Variants in SGK3 observed in about 807,000 individuals in gnomAD.
SGK3 encodes serine/threonine-protein kinase Sgk3.
A neutral mutation model predicts 68.5 loss-of-function variants in SGK3; 47 were observed. The observed-to-expected ratio is 0.69, with a 90% CI of 0.54 to 0.87. SGK3 has a LOEUF of 0.87. Among genes scored for constraint, SGK3 ranks in the 40% least tolerant of loss-of-function variants. SGK3 has a pLI of 0.00. For missense variants in SGK3, 479 were observed against 575.5 expected, an observed-to-expected ratio of 0.83 and a Z score of 1.72; for synonymous variants, 181 against 189.1, an observed-to-expected ratio of 0.96 and a Z score of 0.35.
chr8:66,773,530 T>C (rs1212330382), intron 1 of SGK3, among the ~76,000 whole-genome samples: 1 of 152,214 alleles, frequency 6.6e-6, no homozygotes, highest in Admixed American at 6.5e-5. Flanking sequence ...ACTCTCTAAA[T>C]TAGGCACAGT....
chr8:66,752,516 C>G (rs1253289696), intron 1 of SGK3, among the ~76,000 whole-genome samples: 1 of 151,336 alleles, frequency 6.6e-6, no homozygotes, highest in Non-Finnish European at 1.5e-5. Context: ...AGAAGATGGT[C>G]AGAGAAGGCT....
Position 66,798,626 on chromosome 8 carries a change from G to T in SGK3, c.180+1G>T, listed in dbSNP as rs1411732311. Reference sequence around the variant, plus strand: ...AGAGTTTGATAAACTTTATAACACTGTAAGTAATCGTCTACAAGATTTCTA... The same window carrying T: ...AGAGTTTGATAAACTTTATAACACTTTAAGTAATCGTCTACAAGATTTCTA... On this transcript the variant is annotated splice_donor_variant, in intron 3 of 16. Transcript: ENST00000521198. LOFTEE classifies it high-confidence loss of function. 6.3e-7 allele frequency: 1 copy of T among 1,593,574 alleles called. No homozygotes were observed. Among genetic ancestry groups the T allele is most frequent in the Non-Finnish European group, 8.5e-7 (1 of 1,170,330 alleles).
At chr8:66,830,204 G>A (rs974968936) in intron 7 of SGK3, among the ~76,000 whole-genome samples, 5 of 152,208 alleles carry the variant, frequency 3.3e-5, no homozygotes, top group Non-Finnish European at 1.5e-5. Flanking sequence ...GCAGTTAACA[G>A]TGAGGCTTGG....
At position 66,840,194 on chromosome 8, in the gene SGK3, T is replaced by C. The variant is rs192429324; in HGVS notation, c.855-17T>C. ...GTTTGTATTCAGTTTTGCGTTTCTT[T>C]CCTTTTAATTTGATAGAGACTTGAA... is the stretch of plus-strand genomic sequence containing the variant. On this transcript the variant is annotated splice_polypyrimidine_tract_variant and intron_variant, in intron 11 of 16. Transcript: ENST00000521198. 897 of 1,595,282 alleles carry C rather than the reference T, an allele frequency of 5.6e-4. 3 individuals are homozygous for C. In the African/African-American group the frequency reaches 0.011, roughly 20 times the overall value.
intron 3 of SGK3, among the ~76,000 whole-genome samples, chr8:66,799,599 TG>T (rs1397111462): frequency 6.6e-6 from 1 of 152,202 alleles, no homozygotes; most frequent in African/African-American, 2.4e-5. Flanking sequence ...CAAAAGCAAT[TG>T]TGCCTCAAAT....
intron 1 of SGK3, among the ~76,000 whole-genome samples, chr8:66,744,347 C>A (rs1338972936): frequency 1.3e-5 from 2 of 150,486 alleles, no homozygotes; most frequent in African/African-American, 4.9e-5. Context: ...CTAATATCTT[C>A]TTTTTTATAT....
At chr8:66,759,877 G>T (rs1313003035) in intron 1 of SGK3, among the ~76,000 whole-genome samples, 1 of 151,962 alleles carries the variant, frequency 6.6e-6, no homozygotes, top group Non-Finnish European at 1.5e-5. Flanking sequence ...GAGCCACCAC[G>T]CCCAGCCCCT....
intron 5 of SGK3, among the ~76,000 whole-genome samples, chr8:66,814,531 T>G (rs1808503231): frequency 6.6e-6 from 1 of 152,080 alleles, no homozygotes; most frequent in Non-Finnish European, 1.5e-5. Flanking sequence ...CACTTAACAT[T>G]TCATGGTGAC....
chr8:66,761,769 A>T (rs937472059), intron 1 of SGK3, among the ~76,000 whole-genome samples: 17 of 151,194 alleles, frequency 1.1e-4, no homozygotes, highest in Non-Finnish European at 8.9e-5. Flanking sequence ...ACTCTCTCTA[A>T]AAAAAAAATA....
At chr8:66,777,293 C>T (rs546423151) in intron 1 of SGK3, among the ~76,000 whole-genome samples, 4 of 152,284 alleles carry the variant, frequency 2.6e-5, no homozygotes, top group African/African-American at 9.6e-5. Flanking sequence ...TGTTGTCTGA[C>T]ATGAGAGCGT....
At chr8:66,741,250 TTTAAAA>T (rs1225962305) in intron 1 of SGK3, among the ~76,000 whole-genome samples, 1 of 152,122 alleles carries the variant, frequency 6.6e-6, no homozygotes, top group African/African-American at 2.4e-5. Flanking sequence ...GAGTATAGAC[TTTAAAA>T]TTATATGTTG....
chr8:66,718,897 T>C (rs1175941669), intron 1 of SGK3, among the ~76,000 whole-genome samples: 1 of 152,108 alleles, frequency 6.6e-6, no homozygotes, highest in African/African-American at 2.4e-5. Context: ...TCCGAGAAAA[T>C]GCATGCATCT....
chr8:66,856,564 TG>T (rs1292788817), intron 16 of SGK3, among the ~76,000 whole-genome samples: 1 of 152,228 alleles, frequency 6.6e-6, no homozygotes. Flanking sequence ...TTTTGGCTTT[TG>T]GAGCATTTTG....
At chr8:66,712,984 GGA>G in intron 1 of SGK3, among the ~76,000 whole-genome samples, 151 bp downstream of exon 1, 1 of 152,286 alleles carries the variant, frequency 6.6e-6, no homozygotes, top group East Asian at 1.9e-4. Flanking sequence ...CCCGGCTCCC[GGA>G]GAGTTTGTGG....
intron 1 of SGK3, among the ~76,000 whole-genome samples, chr8:66,736,622 CTTT>C (rs749420647): frequency 7.0e-6 from 1 of 141,898 alleles, no homozygotes; most frequent in African/African-American, 2.6e-5. Context: ...CATGCCCAGC[CTTT>C]TTTTTTTTTT....
chr8:66,729,152 G>C (rs1805064459), intron 1 of SGK3, among the ~76,000 whole-genome samples: 1 of 150,488 alleles, frequency 6.6e-6, no homozygotes, highest in Admixed American at 6.7e-5. Flanking sequence ...CCAGGAGGCG[G>C]AGCTTGCAGT....
At chr8:66,810,082 A>G (rs1808320229) in intron 4 of SGK3, among the ~76,000 whole-genome samples, 1 of 152,218 alleles carries the variant, frequency 6.6e-6, no homozygotes, top group Non-Finnish European at 1.5e-5. Context: ...CCCGTTCAAG[A>G]GAGAAGAAGA....
intron 1 of SGK3, among the ~76,000 whole-genome samples, chr8:66,754,509 G>A (rs577917724): frequency 6.6e-6 from 1 of 152,274 alleles, no homozygotes; most frequent in South Asian, 2.1e-4. Flanking sequence ...AAGTGTTTTG[G>A]ATTTCGGGTA....
At chr8:66,850,767 T>TTGC in intron 15 of SGK3, 64 bp from the exon 16 acceptor site, 1 of 1,476,674 alleles carries the variant, frequency 6.8e-7, no homozygotes, top group Non-Finnish European at 9.2e-7. Context: ...CTTCATAAAA[T>TTGC]TATGCAGTTA....
Sources: allele counts gnomAD v4.1 joint callset (sites outside exome capture counted in the v4.1 genomes callset), GRCh38; gene constraint gnomAD v4.1.1; transcripts MANE v1.5; gene names NCBI Gene and HGNC (gene_info 2026-07-23, HGNC 2026-07-21).